Variants in LOXHD1 observed in about 807,000 individuals in gnomAD.
The protein encoded by LOXHD1 is lipoxygenase homology domain-containing protein 1.
In LOXHD1, 205 loss-of-function variants were observed where a neutral mutation model predicts 248.2. That is an observed-to-expected ratio of 0.83 (90% CI 0.74 to 0.93). LOXHD1 has a LOEUF of 0.93. LOXHD1 is among the 40% of genes least tolerant of loss of function. The pLI, the probability that LOXHD1 is intolerant of heterozygous loss-of-function variation, is 0.00. For synonymous variants in LOXHD1, 1,113 were observed against 1,162.8 expected (o/e 0.96, Z 0.87); for missense variants, 2,930 against 2,971.6 (o/e 0.99, Z 0.33).
intron 7 of LOXHD1, 63 bp downstream of exon 7, chr18:46,604,043 C>T: frequency 6.5e-7 from 1 of 1,544,426 alleles, no homozygotes; most frequent in Non-Finnish European, 8.8e-7. Flanking sequence ...CCACAGATGC[C>T]AACAGCGACC....
At chr18:46,545,063 A>C in intron 23 of LOXHD1, 1 of 521,318 alleles carries the variant, frequency 1.9e-6, no homozygotes, top group African/African-American at 1.9e-5. Context: ...AAGTTGGGCA[A>C]AGCCATCTTG....
At chr18:46,613,306 T>C (rs1453740041) in intron 5 of LOXHD1, among the ~76,000 whole-genome samples, 1 of 152,154 alleles carries the variant, frequency 6.6e-6, no homozygotes, top group Non-Finnish European at 1.5e-5. Flanking sequence ...AGGCTCTTTT[T>C]AATATTTATT....
At chr18:46,612,197 C>G (rs2038518334) in intron 5 of LOXHD1, among the ~76,000 whole-genome samples, 1 of 152,156 alleles carries the variant, frequency 6.6e-6, no homozygotes, top group South Asian at 2.1e-4. Flanking sequence ...CTAAAATGGA[C>G]TCTTCTGTAC....
intron 36 of LOXHD1, among the ~76,000 whole-genome samples, chr18:46,506,413 G>A (rs1157984293): frequency 6.6e-6 from 1 of 152,184 alleles, no homozygotes; most frequent in East Asian, 1.9e-4. Flanking sequence ...GAAGTTCTGT[G>A]TTCCCTAAAT....
chr18:46,593,795 G>A (rs934621802), intron 9 of LOXHD1, 35 bp from the exon 10 acceptor site: 1 of 1,548,662 alleles, frequency 6.5e-7, no homozygotes, highest in Non-Finnish European at 8.7e-7. Context: ...ATAAACTTCA[G>A]GAAGTGAAGA....
At chr18:46,648,379 T>A (rs1226688879) in intron 2 of LOXHD1, among the ~76,000 whole-genome samples, 1 of 152,220 alleles carries the variant, frequency 6.6e-6, no homozygotes, top group Non-Finnish European at 1.5e-5. Context: ...CTTTCCAGGC[T>A]TTGGTTTCCC....
chr18:46,634,635 C>G (rs760007693), intron 4 of LOXHD1, among the ~76,000 whole-genome samples: 1 of 152,030 alleles, frequency 6.6e-6, no homozygotes, highest in Non-Finnish European at 1.5e-5. Context: ...TAGGCCTATG[C>G]AAGCATTCCA....
chr18:46,632,257 G>C (rs1422689538), intron 4 of LOXHD1, among the ~76,000 whole-genome samples: 1 of 152,204 alleles, frequency 6.6e-6, no homozygotes, highest in Non-Finnish European at 1.5e-5. Flanking sequence ...TTTGAACCCA[G>C]GACTCCATGA....
At chr18:46,507,923 C>G (rs531649193) in intron 35 of LOXHD1, among the ~76,000 whole-genome samples, 3 of 152,160 alleles carry the variant, frequency 2.0e-5, no homozygotes, top group Admixed American at 1.3e-4. Context: ...GAAGTCCTTA[C>G]GAGGACTGCC....
chr18:46,528,517 A>G (rs1026361422), intron 29 of LOXHD1, among the ~76,000 whole-genome samples: 2 of 152,152 alleles, frequency 1.3e-5, no homozygotes, highest in African/African-American at 4.8e-5. Flanking sequence ...AAGCCTTTTT[A>G]TAGCCACAGA....
At chr18:46,610,140 C>T (rs113363654) in intron 6 of LOXHD1, among the ~76,000 whole-genome samples, 1,775 of 152,142 alleles carry the variant, frequency 0.012, 29 homozygotes, top group African/African-American at 0.04. Context: ...TGGTGGGCCA[C>T]GGTCAGGGAA....
chr18:46,607,866 G>T (rs1008850531), intron 6 of LOXHD1, among the ~76,000 whole-genome samples: 7 of 152,052 alleles, frequency 4.6e-5, no homozygotes, highest in African/African-American at 1.7e-4. Flanking sequence ...CTGAGAAAGA[G>T]ACCAGAACAA....
intron 25 of LOXHD1, among the ~76,000 whole-genome samples, chr18:46,540,700 G>A (rs2036524076): frequency 1.5e-5 from 2 of 130,824 alleles, no homozygotes. Context: ...CCTAGGGCAT[G>A]TAGGGAGAAA....
intron 34 of LOXHD1, among the ~76,000 whole-genome samples, chr18:46,516,463 C>G (rs2035253146): frequency 6.6e-6 from 1 of 152,188 alleles, no homozygotes; most frequent in African/African-American, 2.4e-5. Flanking sequence ...CAGGGATGAG[C>G]TGCATAGGGC....
intron 4 of LOXHD1, among the ~76,000 whole-genome samples, chr18:46,635,952 G>A (rs1443201107): frequency 6.6e-6 from 1 of 152,156 alleles, no homozygotes; most frequent in East Asian, 1.9e-4. Context: ...CCCGAGTCCT[G>A]GAGATCAGAC....
chr18:46,631,366 C>G (rs1266729066), intron 4 of LOXHD1, among the ~76,000 whole-genome samples: 1 of 152,226 alleles, frequency 6.6e-6, no homozygotes, highest in Admixed American at 6.5e-5. Context: ...TGCCAGAGCA[C>G]GTGTGAACCA....
Position 46,642,356 on chromosome 18 carries a change from C to T in LOXHD1, c.246-320G>A, listed in dbSNP as rs16939867. ...AGCTGGGACCAGAACCTGGCTCTCC[C>T]AGTCATGACCCCATGCCCTTTGGCT... is the stretch of plus-strand genomic sequence containing the variant. On this transcript the variant is annotated intron_variant, in intron 2 of 40. Coordinates refer to ENST00000642948, the MANE Select transcript of LOXHD1 (RefSeq NM_001384474.1). Among the ~76,000 whole-genome samples the T allele has an allele frequency of 5.3e-3, 802 of 152,340 alleles. 10 individuals carry two copies. Among genetic ancestry groups the T allele is most frequent in the African/African-American group, 0.017 (713 of 41,576 alleles).
intron 4 of LOXHD1, among the ~76,000 whole-genome samples, chr18:46,635,510 A>G (rs328195): frequency 0.67 from 102,021 of 151,882 alleles, 34,527 homozygotes; most frequent in East Asian, 0.91. Flanking sequence ...GGATCCCCAC[A>G]TCCCTGGGCC....
At chr18:46,649,387 C>T in intron 1 of LOXHD1, 118 bp from the exon 2 acceptor site, 3 of 773,304 alleles carry the variant, frequency 3.9e-6, no homozygotes, top group Non-Finnish European at 6.4e-6. Flanking sequence ...CTTGGAATCC[C>T]TGCTGCATCC....
Sources: gnomAD v4.1 joint callset for allele counts (sites outside exome capture counted in the v4.1 genomes callset) on GRCh38, gnomAD v4.1.1 for gene constraint, MANE v1.5 for transcripts, NCBI Gene and HGNC (gene_info 2026-07-23, HGNC 2026-07-21) for gene names.